Variants in CNTN5 observed in about 807,000 individuals in gnomAD.
CNTN5 encodes the protein contactin 5.
CNTN5 carries 77 observed loss-of-function variants against 129.1 expected under a neutral mutation model. The observed-to-expected ratio is 0.60, with a 90% CI of 0.50 to 0.72. The LOEUF (loss-of-function observed/expected upper bound fraction) is 0.72, where lower values mean the gene tolerates loss of function less well. Ranked by LOEUF, CNTN5 falls within the 30% of genes least tolerant of loss-of-function variation. CNTN5 has a pLI of 0.00. For synonymous variants in CNTN5, 509 were observed against 465.6 expected (o/e 1.09, Z -1.20); for missense variants, 1,478 against 1,328.8 (o/e 1.11, Z -1.75).
intron 13 of CNTN5, among the ~76,000 whole-genome samples, chr11:100,081,918 C>A (rs1009324313): frequency 7.9e-5 from 12 of 152,038 alleles, no homozygotes; most frequent in Admixed American, 2.6e-4. Context: ...TTCTGGAGCA[C>A]TGAGAGAAAA....
intron 4 of CNTN5, among the ~76,000 whole-genome samples, chr11:99,834,676 A>C (rs528925218): frequency 6.6e-6 from 1 of 152,316 alleles, no homozygotes; most frequent in Admixed American, 6.5e-5. Flanking sequence ...ATGATTTAAA[A>C]ACTTTGAGAA....
At chr11:99,411,378 G>A (rs754691799) in intron 2 of CNTN5, among the ~76,000 whole-genome samples, 1 of 152,056 alleles carries the variant, frequency 6.6e-6, no homozygotes, top group Non-Finnish European at 1.5e-5. Context: ...AAATTATATG[G>A]GTGTGGTGGT....
chr11:99,207,388 A>G (rs1269008871), intron 1 of CNTN5, among the ~76,000 whole-genome samples: 1 of 152,174 alleles, frequency 6.6e-6, no homozygotes, highest in Non-Finnish European at 1.5e-5. Flanking sequence ...AGTAATCAGT[A>G]ATAATTGTAT....
At chr11:99,407,276 T>A (rs1942117685) in intron 2 of CNTN5, among the ~76,000 whole-genome samples, 2 of 152,138 alleles carry the variant, frequency 1.3e-5, no homozygotes, top group Non-Finnish European at 2.9e-5. Flanking sequence ...AACTGATGAA[T>A]CCTGACAGGC....
At chr11:99,744,836 C>T (rs1176463055) in intron 3 of CNTN5, among the ~76,000 whole-genome samples, 1 of 151,960 alleles carries the variant, frequency 6.6e-6, no homozygotes, top group Non-Finnish European at 1.5e-5. Context: ...AAGTAAAGCA[C>T]ATACTATGTA....
chr11:100,214,523 C>A (rs1052741534), intron 15 of CNTN5, among the ~76,000 whole-genome samples: 1 of 152,112 alleles, frequency 6.6e-6, no homozygotes, highest in Non-Finnish European at 1.5e-5. Context: ...AATGTGTTGC[C>A]CACATGACCT....
At chr11:99,152,664 T>G (rs1171008772) in intron 1 of CNTN5, among the ~76,000 whole-genome samples, 5 of 152,248 alleles carry the variant, frequency 3.3e-5, no homozygotes, top group Non-Finnish European at 7.3e-5. Context: ...TAGTGATATG[T>G]GCAGATTTGA....
intron 2 of CNTN5, among the ~76,000 whole-genome samples, chr11:99,352,029 G>T (rs1938332463): frequency 6.6e-6 from 1 of 152,222 alleles, no homozygotes. Flanking sequence ...GCCATTAATA[G>T]AAAGAGGTAT....
intron 16 of CNTN5, among the ~76,000 whole-genome samples, chr11:100,241,564 C>T (rs1591428840): frequency 7.6e-6 from 1 of 131,480 alleles, no homozygotes; most frequent in Non-Finnish European, 1.7e-5. Flanking sequence ...TGGCTCACAA[C>T]TCACTAGTCT....
intron 1 of CNTN5, among the ~76,000 whole-genome samples, chr11:99,316,488 T>C (rs1178083180): frequency 6.6e-6 from 1 of 152,130 alleles, no homozygotes; most frequent in African/African-American, 2.4e-5. Context: ...TAATGATCGC[T>C]GAGACTCATA....
Position 99,363,674 on chromosome 11 carries a change from A to G in CNTN5, c.-71+38190A>G, listed in dbSNP as rs936879379. 1.2e-4 allele frequency among the ~76,000 whole-genome samples: 18 copies of G among 152,278 alleles called. No individual in the cohort carries two copies. In the East Asian group the frequency reaches 1.5e-3, roughly 13 times the overall value. On this transcript the variant is annotated intron_variant, in intron 2 of 24. Coordinates refer to ENST00000524871, the MANE Select transcript of CNTN5 (RefSeq NM_014361.4). ...CCTACTAATTGTACCAAAGTTGTCCATATTTCACGGGTCAAACAAAATAAA... is the reference window on the plus strand; with the variant it reads ...CCTACTAATTGTACCAAAGTTGTCCGTATTTCACGGGTCAAACAAAATAAA...
At chr11:99,255,305 G>GT (rs1862319741) in intron 1 of CNTN5, among the ~76,000 whole-genome samples, 1 of 151,672 alleles carries the variant, frequency 6.6e-6, no homozygotes, top group African/African-American at 2.4e-5. Flanking sequence ...TTAACTATAT[G>GT]TAACGAATAG....
chr11:99,702,455 T>C (rs1954563534), intron 3 of CNTN5, among the ~76,000 whole-genome samples: 1 of 151,016 alleles, frequency 6.6e-6, no homozygotes, highest in South Asian at 2.1e-4. Flanking sequence ...GGATAATGTT[T>C]CATATATTTA....
chr11:99,030,863 C>T (rs1863341469), intron 1 of CNTN5, among the ~76,000 whole-genome samples: 3 of 150,810 alleles, frequency 2.0e-5, no homozygotes, highest in Admixed American at 6.7e-5. Flanking sequence ...TCACTGCAAC[C>T]TCCGCCTCCC....
intron 3 of CNTN5, among the ~76,000 whole-genome samples, chr11:99,753,070 T>G (rs1169016590): frequency 5.3e-5 from 8 of 151,050 alleles, no homozygotes; most frequent in African/African-American, 1.9e-4. Context: ...TTGAAGAATG[T>G]GTGGGTCTGA....
At chr11:99,631,479 A>G (rs542325444) in intron 3 of CNTN5, among the ~76,000 whole-genome samples, 169 of 152,164 alleles carry the variant, frequency 1.1e-3, no homozygotes, top group Non-Finnish European at 2.1e-3. Flanking sequence ...GAAAATAATT[A>G]TAATGCTGAA....
At chr11:99,520,319 C>T (rs1947228528) in intron 2 of CNTN5, among the ~76,000 whole-genome samples, 1 of 152,082 alleles carries the variant, frequency 6.6e-6, no homozygotes, top group African/African-American at 2.4e-5. Flanking sequence ...TAGATAACTG[C>T]TTTTAATGAA....
chr11:99,833,280 A>G (rs1330963985), intron 4 of CNTN5, among the ~76,000 whole-genome samples: 1 of 152,144 alleles, frequency 6.6e-6, no homozygotes, highest in Non-Finnish European at 1.5e-5. Context: ...GGACTCTATA[A>G]AGGAAACTAT....
intron 6 of CNTN5, among the ~76,000 whole-genome samples, chr11:99,862,299 C>T (rs759492421): frequency 1.8e-4 from 27 of 152,082 alleles, no homozygotes; most frequent in Non-Finnish European, 2.9e-4. Flanking sequence ...AAACTTTGTC[C>T]TTGCCCAGGG....
Sources: gnomAD v4.1 joint callset for allele counts (sites outside exome capture counted in the v4.1 genomes callset) on GRCh38, gnomAD v4.1.1 for gene constraint, MANE v1.5 for transcripts, NCBI Gene and HGNC (gene_info 2026-07-23, HGNC 2026-07-21) for gene names.